The following NXPH1 variants were observed in gnomAD, a reference collection of about 807,000 sequenced individuals.
NXPH1 encodes the protein neurexophilin 1, also known as neurexophilin-1.
Under a neutral mutation model 23.7 loss-of-function variants are expected in NXPH1, and 5 were observed. The ratio of observed to expected loss-of-function variants is 0.21; its 90% CI spans 0.11 to 0.44. NXPH1 has a LOEUF of 0.44. Among genes scored for constraint, NXPH1 ranks in the 20% least tolerant of loss-of-function variants. NXPH1 has a pLI of 0.99. For missense variants in NXPH1, 324 were observed against 321.6 expected (o/e 1.01, Z -0.06); for synonymous variants, 144 against 122.2 (o/e 1.18, Z -1.18).
At chr7:8,521,031 A>G (rs761284125) in intron 2 of NXPH1, among the ~76,000 whole-genome samples, 6 of 152,186 alleles carry the variant, frequency 3.9e-5, no homozygotes, top group Admixed American at 1.3e-4. Flanking sequence ...TATGGAAGAG[A>G]CATAACTTGA....
chr7:8,613,563 G>T (rs1467170019), intron 2 of NXPH1, among the ~76,000 whole-genome samples: 4 of 151,956 alleles, frequency 2.6e-5, no homozygotes, highest in South Asian at 2.1e-4. Context: ...GGAAAATGCA[G>T]ATTAGGGAAA....
chr7:8,616,382 C>G (rs1233357076), intron 2 of NXPH1, among the ~76,000 whole-genome samples: 1 of 152,006 alleles, frequency 6.6e-6, no homozygotes, highest in Non-Finnish European at 1.5e-5. Context: ...TCCTCATTGC[C>G]CTTATGCTGT....
intron 2 of NXPH1, among the ~76,000 whole-genome samples, chr7:8,660,585 G>A (rs998041884): frequency 1.3e-5 from 2 of 152,130 alleles, no homozygotes; most frequent in Non-Finnish European, 2.9e-5. Flanking sequence ...TGGCATCTGA[G>A]GACAGGAAAT....
chr7:8,703,497 G>A (rs1779658618), intron 2 of NXPH1, among the ~76,000 whole-genome samples: 1 of 152,074 alleles, frequency 6.6e-6, no homozygotes, highest in African/African-American at 2.4e-5. Context: ...GGGATTAGGT[G>A]ATATTCTGGG....
At chr7:8,552,850 T>C (rs142997346) in intron 2 of NXPH1, among the ~76,000 whole-genome samples, 3 of 151,740 alleles carry the variant, frequency 2.0e-5, no homozygotes, top group African/African-American at 4.8e-5. Flanking sequence ...CATTATGTAA[T>C]ACATTTCAAG....
chr7:8,496,082 T>C (rs112398207), intron 2 of NXPH1, among the ~76,000 whole-genome samples: 5 of 152,124 alleles, frequency 3.3e-5, no homozygotes, highest in African/African-American at 1.2e-4. Flanking sequence ...TTATATCAAA[T>C]GAGTGGCAGC....
At chr7:8,673,552 C>T (rs1225135677) in intron 2 of NXPH1, among the ~76,000 whole-genome samples, 3 of 152,074 alleles carry the variant, frequency 2.0e-5, no homozygotes, top group Non-Finnish European at 4.4e-5. Context: ...TGTATTCCAA[C>T]TTTATTAGTT....
At chr7:8,692,432 G>C (rs1821236815) in intron 2 of NXPH1, among the ~76,000 whole-genome samples, 1 of 152,140 alleles carries the variant, frequency 6.6e-6, no homozygotes, top group African/African-American at 2.4e-5. Context: ...TGCTTTGTTG[G>C]ATGTTTGACT....
intron 2 of NXPH1, among the ~76,000 whole-genome samples, chr7:8,505,101 G>T (rs950106030): frequency 6.6e-6 from 1 of 151,832 alleles, no homozygotes; most frequent in African/African-American, 2.4e-5. Flanking sequence ...TCAATTTTTT[G>T]TCATTTTTTG....
chr7:8,665,421 TG>T (rs1000759208), intron 2 of NXPH1, among the ~76,000 whole-genome samples: 1 of 152,110 alleles, frequency 6.6e-6, no homozygotes, highest in Non-Finnish European at 1.5e-5. Flanking sequence ...AATATAATTT[TG>T]TAGCATATTT....
Position 8,645,687 on chromosome 7 carries a change from TAA to T in NXPH1, c.55-105319_55-105318del, listed in dbSNP as rs536443600. Among the ~76,000 whole-genome samples the T allele has an allele frequency of 3.8e-4, 58 of 152,178 alleles. No individual in the cohort carries two copies. The East Asian group carries it at 0.011, about 28-fold the overall frequency. On this transcript the variant is annotated intron_variant, in intron 2 of 2. Coordinates refer to ENST00000405863, the MANE Select transcript of NXPH1 (RefSeq NM_152745.3). ...TGGAAATATTTCTGTATCTTGGTCTTAAAGTTATTGTAAACATTTTAATGTTT... is the reference window on the plus strand; with the variant it reads ...TGGAAATATTTCTGTATCTTGGTCTTAGTTATTGTAAACATTTTAATGTTT...
chr7:8,511,030 A>T (rs1438820380), intron 2 of NXPH1, among the ~76,000 whole-genome samples: 1 of 152,138 alleles, frequency 6.6e-6, no homozygotes, highest in East Asian at 1.9e-4. Context: ...GTCAAAGTAG[A>T]TGTTCTCCAC....
intron 2 of NXPH1, among the ~76,000 whole-genome samples, chr7:8,644,649 G>GT (rs1238477994): frequency 6.6e-6 from 1 of 151,936 alleles, no homozygotes; most frequent in African/African-American, 2.4e-5. Context: ...ATAGTGTCAT[G>GT]TTTTTTAACA....
intron 2 of NXPH1, among the ~76,000 whole-genome samples, chr7:8,747,647 A>G (rs901587917): frequency 6.6e-6 from 1 of 152,216 alleles, no homozygotes; most frequent in Non-Finnish European, 1.5e-5. Flanking sequence ...AAGCCAGAGA[A>G]GAGGATACAC....
intron 2 of NXPH1, among the ~76,000 whole-genome samples, chr7:8,528,963 G>A (rs927972154): frequency 6.6e-6 from 1 of 152,234 alleles, no homozygotes; most frequent in African/African-American, 2.4e-5. Context: ...CTCAATCAAG[G>A]TATCCCATGT....
intron 2 of NXPH1, among the ~76,000 whole-genome samples, chr7:8,450,573 G>T (rs1219983408): frequency 2.6e-5 from 4 of 152,182 alleles, no homozygotes; most frequent in Non-Finnish European, 5.9e-5. Flanking sequence ...AGACACTTTT[G>T]CCCCAAGTGG....
At chr7:8,519,569 T>C (rs981136603) in intron 2 of NXPH1, among the ~76,000 whole-genome samples, 1 of 152,234 alleles carries the variant, frequency 6.6e-6, no homozygotes, top group African/African-American at 2.4e-5. Context: ...ATAAGCATTT[T>C]CATTGCTTTT....
At chr7:8,609,158 T>G (rs1819564256) in intron 2 of NXPH1, among the ~76,000 whole-genome samples, 1 of 152,170 alleles carries the variant, frequency 6.6e-6, no homozygotes, top group Non-Finnish European at 1.5e-5. Context: ...CAAAGATATA[T>G]CTCTGGCTTT....
chr7:8,749,149 C>G (rs1023933588), intron 2 of NXPH1, among the ~76,000 whole-genome samples: 11 of 152,324 alleles, frequency 7.2e-5, no homozygotes, highest in African/African-American at 2.6e-4. Flanking sequence ...TCTAATTCTC[C>G]TCAAACATCA....
Sources: allele counts gnomAD v4.1 joint callset (sites outside exome capture counted in the v4.1 genomes callset), GRCh38; gene constraint gnomAD v4.1.1; transcripts MANE v1.5; gene names NCBI Gene and HGNC (gene_info 2026-07-23, HGNC 2026-07-21).